FHOD3: variants seen among roughly 807,000 people sequenced by gnomAD.
FHOD3 encodes FH1/FH2 domain-containing protein 3.
FHOD3 carries 90 observed loss-of-function variants against 173.0 expected under a neutral mutation model. That is an observed-to-expected ratio of 0.52 (90% confidence interval 0.44 to 0.62). The LOEUF (loss-of-function observed/expected upper bound fraction) is 0.62. Among genes scored for constraint, FHOD3 ranks in the 20% least tolerant of loss-of-function variants. The probability of loss-of-function intolerance (pLI) is 0.00; values close to 1 mark genes in which losing one functional copy is unlikely to be tolerated. For missense variants in FHOD3, 1,945 were observed against 2,034.7 expected, an observed-to-expected ratio of 0.96 and a Z score of 0.85; for synonymous variants, 828 against 823.0, an observed-to-expected ratio of 1.01 and a Z score of -0.10.
chr18:36,742,882 G>C, intron 22 of FHOD3, 26 bp downstream of exon 22: 3 of 1,600,226 alleles, frequency 1.9e-6, no homozygotes, highest in African/African-American at 1.3e-5. Context: ...CCCTCATCCT[G>C]TAGCCCCCCC....
intron 24 of FHOD3, among the ~76,000 whole-genome samples, chr18:36,749,656 T>C (rs925476702): frequency 1.3e-5 from 2 of 152,226 alleles, no homozygotes; most frequent in African/African-American, 4.8e-5. Context: ...CATGTGTCTT[T>C]CTGGTAGAAT....
intron 5 of FHOD3, among the ~76,000 whole-genome samples, chr18:36,549,574 G>A (rs545941132): frequency 1.8e-5 from 2 of 108,956 alleles, no homozygotes; most frequent in Non-Finnish European, 3.4e-5. Context: ...GTCTCGCTCT[G>A]TTACCCAGGC....
chr18:36,693,616 T>G (rs962624696), intron 17 of FHOD3, among the ~76,000 whole-genome samples, 193 bp downstream of exon 17: 3 of 152,128 alleles, frequency 2.0e-5, no homozygotes, highest in African/African-American at 7.2e-5. Flanking sequence ...CCACTTATAT[T>G]AAAGCAAAAT....
intron 3 of FHOD3, among the ~76,000 whole-genome samples, chr18:36,393,011 A>G (rs2048375260): frequency 6.6e-6 from 1 of 152,206 alleles, no homozygotes; most frequent in Non-Finnish European, 1.5e-5. Flanking sequence ...TCTGCCCACA[A>G]TATGCCTGTG....
At chr18:36,759,713 T>C (rs1326158424) in intron 26 of FHOD3, among the ~76,000 whole-genome samples, 3 of 152,208 alleles carry the variant, frequency 2.0e-5, no homozygotes, top group East Asian at 3.9e-4. Flanking sequence ...AGGGGGCTAA[T>C]TGGCCCTGGA....
At chr18:36,754,100 A>G (rs2042523176) in intron 24 of FHOD3, among the ~76,000 whole-genome samples, 1 of 152,340 alleles carries the variant, frequency 6.6e-6, no homozygotes, top group Admixed American at 6.5e-5. Flanking sequence ...ATCTAAGCAC[A>G]TTAATCCAAA....
At chr18:36,660,085 A>G (rs2036683526) in intron 14 of FHOD3, among the ~76,000 whole-genome samples, 1 of 152,144 alleles carries the variant, frequency 6.6e-6, no homozygotes, top group African/African-American at 2.4e-5. Context: ...CCCAACCAAC[A>G]TGGTGAACCC....
In FHOD3 at chr18:36,510,011, G is replaced by A. The variant is rs147743783; in HGVS notation, c.406-2427G>A. ...TTAACTGGATTACACAGGCAGCGGT[G>A]CTGTCTGGGCATGGATCACCACCTT... On this transcript the variant is annotated intron_variant, in intron 4 of 28. Transcript: ENST00000590592. Among the ~76,000 whole-genome samples, 503 of 152,306 alleles carry A rather than the reference G, an allele frequency of 3.3e-3. 3 individuals are homozygous for A. The highest frequency in any genetic ancestry group is 0.017 in the Middle Eastern group (5 of 294).
intron 12 of FHOD3, 21 bp downstream of exon 12, chr18:36,652,950 G>C: frequency 6.6e-7 from 1 of 1,516,694 alleles, no homozygotes; most frequent in Non-Finnish European, 8.8e-7. Flanking sequence ...TCACCTGGAG[G>C]CTTGTTTGAG....
chr18:36,636,649 T>C (rs1196031230), intron 10 of FHOD3, among the ~76,000 whole-genome samples: 1 of 149,542 alleles, frequency 6.7e-6, no homozygotes, highest in Non-Finnish European at 1.5e-5. Context: ...ATAATTTCAT[T>C]CCTGAGGTTT....
chr18:36,760,350 A>G (rs2042816397), intron 26 of FHOD3, among the ~76,000 whole-genome samples: 1 of 152,156 alleles, frequency 6.6e-6, no homozygotes, highest in Non-Finnish European at 1.5e-5. Flanking sequence ...AGGGGATCTG[A>G]GTGAGTGACA....
chr18:36,501,783 G>C, intron 3 of FHOD3, 149 bp from the exon 4 acceptor site: 1 of 530,864 alleles, frequency 1.9e-6, no homozygotes, highest in Non-Finnish European at 3.3e-6. Flanking sequence ...TTCTTCTTAT[G>C]GTTGGGGGTA....
intron 1 of FHOD3, 27 bp downstream of exon 1, chr18:36,298,027 C>A (rs767479764): frequency 6.8e-7 from 1 of 1,480,184 alleles, no homozygotes; most frequent in South Asian, 1.3e-5. Context: ...TGGGCTGGGC[C>A]CCCTGGACTC....
intron 14 of FHOD3, among the ~76,000 whole-genome samples, chr18:36,675,320 C>G (rs542731826): frequency 1.5e-4 from 23 of 152,304 alleles, no homozygotes; most frequent in Admixed American, 3.3e-4. Context: ...GCTGCCACCC[C>G]CTTTCTCTCT....
intron 27 of FHOD3, among the ~76,000 whole-genome samples, chr18:36,768,555 C>A (rs914361221): frequency 2.0e-5 from 3 of 152,166 alleles, no homozygotes; most frequent in Non-Finnish European, 4.4e-5. Context: ...GTACTTGGGA[C>A]CCATGTTTTG....
chr18:36,541,074 A>T (rs568777207), intron 5 of FHOD3, among the ~76,000 whole-genome samples: 1 of 150,774 alleles, frequency 6.6e-6, no homozygotes, highest in African/African-American at 2.4e-5. Flanking sequence ...AACATGGCTA[A>T]ATCCCATCTC....
At chr18:36,631,991 C>A (rs2148870638) in intron 10 of FHOD3, among the ~76,000 whole-genome samples, 1 of 152,144 alleles carries the variant, frequency 6.6e-6, no homozygotes, top group East Asian at 1.9e-4. Context: ...ATACATTTTG[C>A]TATGGCTTGG....
intron 11 of FHOD3, among the ~76,000 whole-genome samples, chr18:36,652,200 A>G (rs2149109224): frequency 6.6e-6 from 1 of 152,362 alleles, no homozygotes; most frequent in Admixed American, 6.5e-5. Flanking sequence ...CCAGTCGTGG[A>G]AATTCAGATG....
intron 9 of FHOD3, among the ~76,000 whole-genome samples, chr18:36,618,146 T>C (rs551370808): frequency 4.6e-5 from 7 of 152,166 alleles, no homozygotes; most frequent in African/African-American, 1.4e-4. Flanking sequence ...TTTTCTGTTT[T>C]GTAACTCAAT....
Sources: allele counts gnomAD v4.1 joint callset (sites outside exome capture counted in the v4.1 genomes callset), GRCh38; gene constraint gnomAD v4.1.1; transcripts MANE v1.5; gene names NCBI Gene and HGNC (gene_info 2026-07-23, HGNC 2026-07-21).